Variants in RANBP17 observed in about 807,000 individuals in gnomAD.
RANBP17 encodes the protein RAN binding protein 17, also known as ran-binding protein 17.
A neutral mutation model predicts 141.2 loss-of-function variants in RANBP17; 158 were observed. The observed-to-expected ratio is 1.12, with a 90% CI of 0.98 to 1.28. The LOEUF (loss-of-function observed/expected upper bound fraction) is 1.28, where lower values mean the gene tolerates loss of function less well. RANBP17 is among the 50% of genes most tolerant of loss of function. The pLI is 0.00. For missense variants in RANBP17, 1,438 were observed against 1,290.7 expected (o/e 1.11, Z -1.75); for synonymous variants, 430 against 450.0 (o/e 0.96, Z 0.56).
chr5:170,941,508 A>T (rs979106047), intron 12 of RANBP17, among the ~76,000 whole-genome samples: 29 of 152,186 alleles, frequency 1.9e-4, no homozygotes, highest in Admixed American at 1.8e-3. Context: ...AAATTGACTT[A>T]AAAAAGAGAC....
At chr5:170,966,539 T>C (rs1302225955) in intron 13 of RANBP17, among the ~76,000 whole-genome samples, 2 of 152,168 alleles carry the variant, frequency 1.3e-5, no homozygotes, top group African/African-American at 4.8e-5. Context: ...TGATGGGACG[T>C]ATCTCAAAAT....
chr5:171,294,750 G>A (rs1428587), intron 26 of RANBP17, among the ~76,000 whole-genome samples: 13,907 of 152,130 alleles, frequency 0.091, 827 homozygotes, highest in East Asian at 0.2. Context: ...ATCTTCCCTC[G>A]GTGTTATTGT....
chr5:171,051,316 C>T (rs751102618), intron 14 of RANBP17, among the ~76,000 whole-genome samples: 2 of 152,068 alleles, frequency 1.3e-5, no homozygotes, highest in Non-Finnish European at 2.9e-5. Flanking sequence ...AGTGCATTCG[C>T]CACCTCTCTC....
Position 171,299,304 on chromosome 5 carries a change from C to G in RANBP17, c.*446C>G, listed in dbSNP as rs1177529352. On this transcript the variant is annotated 3_prime_UTR_variant, in exon 28 of 28. Coordinates refer to ENST00000523189, the MANE Select transcript of RANBP17 (RefSeq NM_022897.5). The stretch of plus-strand genomic sequence containing the variant: ...GTTAAATGAGTAGTTTGTTATGTGT[C>G]TGGAAGAAGCAGCGTTAGGGACTTT... The G allele has an allele frequency of 1.3e-5, 3 of 235,988 alleles. No homozygotes were observed. The highest frequency in any genetic ancestry group is 2.2e-5 in the African/African-American group (1 of 45,290). 14.6% of individuals were successfully genotyped at this position (235,988 alleles called of 1,614,324 possible).
intron 14 of RANBP17, among the ~76,000 whole-genome samples, chr5:170,981,347 G>A (rs963769709): frequency 1.3e-5 from 2 of 152,114 alleles, no homozygotes; most frequent in African/African-American, 2.4e-5. Flanking sequence ...CATGAGATTT[G>A]GAAGGGGCCA....
At chr5:171,227,984 G>C (rs186249439) in intron 22 of RANBP17, among the ~76,000 whole-genome samples, 12 of 152,268 alleles carry the variant, frequency 7.9e-5, no homozygotes, top group Admixed American at 2.0e-4. Flanking sequence ...AGTGCACCTC[G>C]TCACCCAGGA....
chr5:171,259,395 A>G (rs948332296), intron 24 of RANBP17, among the ~76,000 whole-genome samples: 4 of 152,224 alleles, frequency 2.6e-5, no homozygotes, highest in East Asian at 1.9e-4. Flanking sequence ...ATAAGATAGT[A>G]TATCACAGGA....
At position 170,862,656 on chromosome 5, in the gene RANBP17, C is replaced by T. The variant is rs1030231521; in HGVS notation, c.18+605C>T. On this transcript the variant is annotated intron_variant, in intron 1 of 27. Transcript: ENST00000523189. ...GGCCGCCTCTTCGGAGGAGGAAACC[C>T]GGGCCGGGCGCGGGCGCGGGCGCGG... Among the ~76,000 whole-genome samples the T allele has an allele frequency of 1.1e-4, 16 of 151,962 alleles. No homozygotes were observed. The East Asian group carries it at 2.9e-3, about 28-fold the overall frequency.
At chr5:170,967,026 T>G (rs1313776887) in intron 13 of RANBP17, among the ~76,000 whole-genome samples, 2 of 152,094 alleles carry the variant, frequency 1.3e-5, no homozygotes, top group South Asian at 4.1e-4. Flanking sequence ...TACAAACCAC[T>G]GCTCAATGAA....
At position 171,293,852 on chromosome 5, in the gene RANBP17, A is replaced by G. The variant is rs777235642; in HGVS notation, c.2944-31A>G. On this transcript the variant is annotated intron_variant, in intron 25 of 27. Transcript: ENST00000523189. ...ATTAGGGGGAACTCTGAGACAAGGC[A>G]TCTCAATCTTTATGTGATTCTATCT... The G allele has an allele frequency of 3.3e-6, 5 of 1,513,216 alleles. No individual in the cohort carries two copies. In the Admixed American group the frequency reaches 8.3e-5, roughly 25 times the overall value. 93.7% of individuals were successfully genotyped at this position (1,513,216 alleles called of 1,614,324 possible). A position where few individuals can be genotyped will look rare whatever the true frequency, so the allele number is the denominator to read the frequency against.
At chr5:170,946,517 T>TCA (rs1477881925) in intron 12 of RANBP17, among the ~76,000 whole-genome samples, 7 of 152,160 alleles carry the variant, frequency 4.6e-5, no homozygotes, top group African/African-American at 1.4e-4. Context: ...ATTGTCATTG[T>TCA]TTGGTAGTTA....
intron 14 of RANBP17, among the ~76,000 whole-genome samples, chr5:171,159,917 CAAAAAAAAAAAAAAA>C (rs1175963382): frequency 9.6e-5 from 4 of 41,494 alleles, no homozygotes; most frequent in Non-Finnish European, 2.1e-4. Context: ...GACTCCATCT[CAAAAAAAAAAAAAAA>C]AAAAAAAAAG....
At chr5:170,925,110 T>C (rs1581159880) in intron 12 of RANBP17, among the ~76,000 whole-genome samples, 1 of 152,172 alleles carries the variant, frequency 6.6e-6, no homozygotes, top group Admixed American at 6.5e-5. Context: ...CTTGTTAAGA[T>C]GCACTACAGG....
intron 14 of RANBP17, among the ~76,000 whole-genome samples, chr5:171,021,140 G>A (rs1405643037): frequency 6.6e-6 from 1 of 152,178 alleles, no homozygotes; most frequent in Non-Finnish European, 1.5e-5. Context: ...AGAGAGATTC[G>A]CTGTTGGTTT....
At chr5:171,206,494 A>G (rs1035322142) in intron 20 of RANBP17, 2 of 156,378 alleles carry the variant, frequency 1.3e-5, no homozygotes, top group African/African-American at 4.8e-5. Flanking sequence ...AGTGTTATAT[A>G]ATGCTTTCAT....
At chr5:171,147,862 C>G (rs1758174245) in intron 14 of RANBP17, among the ~76,000 whole-genome samples, 1 of 152,180 alleles carries the variant, frequency 6.6e-6, no homozygotes, top group South Asian at 2.1e-4. Flanking sequence ...AGCCCCTCTG[C>G]CCGGCCACCA....
intron 14 of RANBP17, among the ~76,000 whole-genome samples, chr5:171,113,786 G>T (rs1230764795): frequency 6.6e-6 from 1 of 152,080 alleles, no homozygotes; most frequent in Non-Finnish European, 1.5e-5. Flanking sequence ...ACCCTTTCAG[G>T]GAGTCAGTGA....
At chr5:171,244,677 C>T (rs1765103530) in intron 24 of RANBP17, among the ~76,000 whole-genome samples, 1 of 152,090 alleles carries the variant, frequency 6.6e-6, no homozygotes, top group Non-Finnish European at 1.5e-5. Context: ...GAACTCCTGA[C>T]CTCAAGCGAT....
chr5:171,074,293 A>G (rs1045264572), intron 14 of RANBP17, among the ~76,000 whole-genome samples: 1 of 152,078 alleles, frequency 6.6e-6, no homozygotes, highest in African/African-American at 2.4e-5. Context: ...CCTGATTACT[A>G]CTCTTCACAA....
Sources: gnomAD v4.1 joint callset for allele counts (sites outside exome capture counted in the v4.1 genomes callset) on GRCh38, gnomAD v4.1.1 for gene constraint, MANE v1.5 for transcripts, NCBI Gene and HGNC (gene_info 2026-07-23, HGNC 2026-07-21) for gene names.